TTC21B: variants seen among roughly 807,000 people sequenced by gnomAD.
TTC21B encodes tetratricopeptide repeat domain 21B, also known as tetratricopeptide repeat protein 21B.
In TTC21B, 127 loss-of-function variants were observed where a neutral mutation model predicts 175.1. That is an observed-to-expected ratio of 0.73 (90% CI 0.63 to 0.84). The LOEUF (loss-of-function observed/expected upper bound fraction) is 0.84. Ranked by LOEUF, TTC21B falls within the 40% of genes least tolerant of loss-of-function variation. The pLI is 0.00. For synonymous variants in TTC21B, 524 were observed against 524.5 expected, an observed-to-expected ratio of 1.00 and a Z score of 0.01; for missense variants, 1,561 against 1,558.3, an observed-to-expected ratio of 1.00 and a Z score of -0.03.
At chr2:165,930,759 GTGTGTGTATAA>G (rs1364161306) in intron 8 of TTC21B, among the ~76,000 whole-genome samples, 1 of 150,342 alleles carries the variant, frequency 6.7e-6, no homozygotes, top group Non-Finnish European at 1.5e-5. Flanking sequence ...GTGTGTGTGT[GTGTGTGTATAA>G]TATATGTATG....
At chr2:165,945,160 T>C (rs1199864564) in intron 4 of TTC21B, among the ~76,000 whole-genome samples, 2 of 152,056 alleles carry the variant, frequency 1.3e-5, no homozygotes, top group African/African-American at 4.8e-5. Context: ...CTTTGCATTA[T>C]TAACAGTACA....
At position 165,919,361 on chromosome 2, in the gene TTC21B, A is replaced by T; in HGVS notation, c.1589T>A (p.Leu530Gln). The T allele has an allele frequency of 6.2e-7, 1 of 1,614,094 alleles. No homozygotes were observed. Among genetic ancestry groups the T allele is most frequent in the Middle Eastern group, 1.6e-4 (1 of 6,062 alleles). ...EHNPSYADAH[L>Q]LLAQVYLSQE... The stretch of plus-strand genomic sequence containing the variant: ...AGACAAGTAAACCTGAGCTAGCAGC[A>T]GATGAGCATCAGCATAAGAGGGATT... Residue 530 changes from leucine (L) to glutamine (Q), a missense_variant, in exon 13 of 29, where the codon CTG (leucine) becomes CAG (glutamine). Coordinates refer to ENST00000243344, the MANE Select transcript of TTC21B (RefSeq NM_024753.5).
At chr2:165,896,685 A>G (rs566045679) in intron 22 of TTC21B, among the ~76,000 whole-genome samples, 2 of 152,260 alleles carry the variant, frequency 1.3e-5, no homozygotes, top group African/African-American at 4.8e-5. Flanking sequence ...TGGGAGCAGC[A>G]TATTCCGGGA....
intron 6 of TTC21B, 101 bp from the exon 7 acceptor site, chr2:165,933,158 C>T (rs1031983864): frequency 1.1e-6 from 1 of 875,824 alleles, no homozygotes; most frequent in Admixed American, 2.1e-5. Flanking sequence ...TTCCACTGTT[C>T]AAATAAGTAA....
intron 24 of TTC21B, 92 bp downstream of exon 24, chr2:165,890,387 G>A: frequency 1.7e-6 from 2 of 1,176,960 alleles, no homozygotes; most frequent in East Asian, 2.5e-5. Context: ...TTTCATTATT[G>A]CTATCCTAAA....
intron 8 of TTC21B, 66 bp from the exon 9 acceptor site, chr2:165,930,430 T>C (rs1686846202): frequency 1.0e-5 from 12 of 1,158,148 alleles, no homozygotes; most frequent in Non-Finnish European, 1.3e-5. Flanking sequence ...TAAAGGATTA[T>C]TTTTTCTAAA....
Position 165,903,895 on chromosome 2 carries a change from CTT to C in TTC21B, c.2569-1987_2569-1986del, listed in dbSNP as rs146434705. Among the ~76,000 whole-genome samples the C allele has an allele frequency of 7.2e-3, 1,089 of 152,272 alleles. 15 individuals are homozygous for C. Among genetic ancestry groups the C allele is most frequent in the African/African-American group, 0.025 (1,033 of 41,550 alleles). On this transcript the variant is annotated intron_variant, in intron 19 of 28. Coordinates refer to ENST00000243344, the MANE Select transcript of TTC21B (RefSeq NM_024753.5). ...TTGAATTGCATCTTAAGATTTGTCT[CTT>C]TGTCATTCAGAATATACAGCATGTC...
At chr2:165,882,265 T>C (rs1193371445) in intron 26 of TTC21B, among the ~76,000 whole-genome samples, 1 of 152,194 alleles carries the variant, frequency 6.6e-6, no homozygotes, top group Non-Finnish European at 1.5e-5. Flanking sequence ...AAACGTCTCA[T>C]TGACTATTTG....
rs1311037957 is a variant in TTC21B at position 165,953,682 on chromosome 2, C to G, written c.21+3G>C. The G allele has an allele frequency of 3.2e-6, 5 of 1,548,594 alleles. No homozygotes were observed. The highest frequency in any genetic ancestry group is 2.7e-5 in the African/African-American group (2 of 72,932). ...TCACCCGCTCACCCGCTCACCCGCT[C>G]ACCTTCAATTCCTGCGAGTCCATGG... On this transcript the variant is annotated splice_donor_region_variant and intron_variant, in intron 1 of 28. Transcript: ENST00000243344.
intron 28 of TTC21B, among the ~76,000 whole-genome samples, 160 bp from the exon 29 acceptor site, chr2:165,874,992 G>A (rs1684618578): frequency 6.6e-6 from 1 of 152,144 alleles, no homozygotes; most frequent in South Asian, 2.1e-4. Context: ...AATGTAACAT[G>A]ATGACTCCTT....
intron 16 of TTC21B, among the ~76,000 whole-genome samples, chr2:165,912,957 G>A (rs1275330550): frequency 2.0e-5 from 3 of 152,056 alleles, no homozygotes; most frequent in Non-Finnish European, 4.4e-5. Flanking sequence ...GGTTCCCTTT[G>A]AAGAAAACAC....
chr2:165,945,566 T>C lies in TTC21B; in HGVS notation c.387A>G (p.Glu129=), dbSNP rs747960510. The change falls in exon 4 of 29, where the codon GAA becomes GAG. Residue 129 remains glutamate (E), a synonymous_variant. Transcript: ENST00000243344. ...ATATTTTGATCATTCTGTCAATATA[T>C]TCCCTTGCTTTATCATGGCGACCAA... ...WHIGRHDKAR[E]YIDRMIKISD... is the part of the protein sequence containing the mutation. 7.4e-6 allele frequency: 12 copies of C among 1,613,798 alleles called. No individual in the cohort carries two copies. Among genetic ancestry groups the C allele is most frequent in the Non-Finnish European group, 1.0e-5 (12 of 1,179,932 alleles).
intron 6 of TTC21B, among the ~76,000 whole-genome samples, chr2:165,938,889 A>G (rs1687263322): frequency 6.6e-6 from 1 of 152,310 alleles, no homozygotes; most frequent in South Asian, 2.1e-4. Flanking sequence ...ATTTATTTAA[A>G]AAACACAATA....
chr2:165,918,170 C>T (rs538763524), intron 13 of TTC21B, among the ~76,000 whole-genome samples: 25 of 152,320 alleles, frequency 1.6e-4, no homozygotes, highest in South Asian at 6.2e-4. Context: ...TACAGAGCTT[C>T]GTGTGAGACT....
At chr2:165,941,428 T>A (rs756501275) in intron 5 of TTC21B, among the ~76,000 whole-genome samples, 1 of 152,128 alleles carries the variant, frequency 6.6e-6, no homozygotes, top group Non-Finnish European at 1.5e-5. Flanking sequence ...AAGGATAAAA[T>A]TTTTTAAAAT....
At position 165,873,872 on chromosome 2, in the gene TTC21B, C is replaced by G. The variant is rs1311814799; in HGVS notation, c.*883G>C. 9.2e-5 allele frequency: 14 copies of G among 152,118 alleles called. No individual in the cohort carries two copies. The highest frequency in any genetic ancestry group is 2.1e-4 in the Non-Finnish European group (14 of 68,012). The allele number at this position is 152,118 out of a possible 1,614,324, so 9.4% of individuals were successfully genotyped here. A position where few individuals can be genotyped will look rare whatever the true frequency, so the allele number is the denominator to read the frequency against. ...ACTATACCACCACCCATTAACATTACAGAATGCAGGGGGAGCTTACCCTGA... is the reference window on the plus strand; with the variant it reads ...ACTATACCACCACCCATTAACATTAGAGAATGCAGGGGGAGCTTACCCTGA... On this transcript the variant is annotated 3_prime_UTR_variant, in exon 29 of 29. Transcript: ENST00000243344.
intron 1 of TTC21B, 80 bp downstream of exon 1, chr2:165,953,605 C>T: frequency 6.5e-7 from 1 of 1,535,902 alleles, no homozygotes; most frequent in Non-Finnish European, 8.7e-7. Flanking sequence ...CCCGAGCTCC[C>T]TCCGCGCCCC....
intron 19 of TTC21B, among the ~76,000 whole-genome samples, chr2:165,906,108 GA>G (rs1685721425): frequency 6.6e-6 from 1 of 151,988 alleles, no homozygotes; most frequent in South Asian, 2.1e-4. Flanking sequence ...CAATCAAAGT[GA>G]AAATGAGGAA....
chr2:165,947,159 T>C (rs1441600855), intron 3 of TTC21B: 25 of 106,098 alleles, frequency 2.4e-4, no homozygotes, highest in East Asian at 1.3e-3. Context: ...TCTCTCTCTC[T>C]CCCCTCCCCC....
Sources: gnomAD v4.1 joint callset for allele counts (sites outside exome capture counted in the v4.1 genomes callset) on GRCh38, gnomAD v4.1.1 for gene constraint, MANE v1.5 for transcripts, NCBI Gene and HGNC (gene_info 2026-07-23, HGNC 2026-07-21) for gene names.